The following FAM78A variants were observed in gnomAD, a reference collection of about 807,000 sequenced individuals.
FAM78A encodes the protein family with sequence similarity 78 member A.
FAM78A carries 12 observed loss-of-function variants against 22.6 expected under a neutral mutation model. The ratio of observed to expected loss-of-function variants is 0.53; its 90% confidence interval spans 0.34 to 0.86. FAM78A has a LOEUF of 0.86. Ranked by LOEUF, FAM78A falls within the 40% of genes least tolerant of loss-of-function variation. The probability of loss-of-function intolerance (pLI) is 0.02; values close to 1 mark genes in which losing one functional copy is unlikely to be tolerated. For missense variants in FAM78A, 322 were observed against 396.1 expected (o/e 0.81, Z 1.59); for synonymous variants, 151 against 155.8 (o/e 0.97, Z 0.23).
chr9:131,270,159 T>A, intron 1 of FAM78A: 1 of 616,806 alleles, frequency 1.6e-6, no homozygotes, highest in Non-Finnish European at 3.0e-6. Flanking sequence ...TGAGCCAAGA[T>A]CATGCCACTG....
At chr9:131,277,490 G>C (rs1835500801), upstream of FAM78A, among the ~76,000 whole-genome samples, 1 of 151,844 alleles carries the variant, frequency 6.6e-6, no homozygotes, top group South Asian at 2.1e-4. This position sits in a 1 kb window ranked among gnomAD's most constrained non-coding sequence, Gnocchi z 8.4. Context: ...GGGCGCGCTC[G>C]CCGCTGCCGG....
chr9:131,273,680 T>A (rs1835446131), intron 1 of FAM78A, among the ~76,000 whole-genome samples: 1 of 152,230 alleles, frequency 6.6e-6, no homozygotes, highest in African/African-American at 2.4e-5. Flanking sequence ...TTCTGTAGTT[T>A]TAGCCACTCA....
chr9:131,264,794 G>C (rs1835323572), intron 1 of FAM78A: 1 of 564,400 alleles, frequency 1.8e-6, no homozygotes, highest in Non-Finnish European at 3.1e-6. Context: ...CGGGATCTCT[G>C]CTCACTGCAG....
chr9:131,260,884 C>T lies in FAM78A; in HGVS notation c.790G>A (p.Val264Ile). The stretch of plus-strand genomic sequence containing the variant: ...CCGTACTTGGGCCGCCACATGAGGA[C>T]CTGGGCATCGTTGGCATTGGGCTTG... ...LVKPNANDAQ[V>I]LMWRPKYGQP... Residue 264 changes from valine to isoleucine, a missense_variant, in exon 2 of 2, where the codon GTC becomes ATC. Physicochemically the swap from Val to Ile is conservative, Grantham distance 29 (BLOSUM62 3). Transcript: ENST00000372271. This position sits in a 1 kb window ranked among gnomAD's most constrained non-coding sequence, Gnocchi z 5.4. 6.5e-7 allele frequency: 1 copy of T among 1,547,750 alleles called. No homozygotes were observed. The highest frequency in any genetic ancestry group is 1.2e-5 in the South Asian group (1 of 80,582).
At position 131,275,589 on chromosome 9, in the gene FAM78A, C is replaced by A. The variant is rs1430427608; in HGVS notation, c.323+268G>T. On this transcript the variant is annotated intron_variant, in intron 1 of 1. Transcript: ENST00000372271. The surrounding 1 kb of genome is among the most constrained non-coding windows in gnomAD (Gnocchi z 4.6). ...TGGGAGTAATGTCTCTCTGCTTTCT[C>A]GGCATCTTGCAGGGAAGGACACAGG... 6.6e-6 allele frequency among the ~76,000 whole-genome samples: 1 copy of A among 152,208 alleles called. No homozygotes were observed. Among genetic ancestry groups the A allele is most frequent in the South Asian group, 2.1e-4 (1 of 4,834 alleles).
chr9:131,263,306 T>C (rs980199094), intron 1 of FAM78A, among the ~76,000 whole-genome samples: 6 of 151,632 alleles, frequency 4.0e-5, no homozygotes, highest in South Asian at 2.1e-4. Context: ...GCAAAACAAT[T>C]TGAACAGACC....
At chr9:131,270,301 C>A (rs1835400918) in intron 1 of FAM78A, 1 of 717,514 alleles carries the variant, frequency 1.4e-6, no homozygotes, top group Non-Finnish European at 2.6e-6. Flanking sequence ...CCTGCCTCAA[C>A]TGTCCTCCCA....
At chr9:131,263,068 T>G (rs1835294376) in intron 1 of FAM78A, among the ~76,000 whole-genome samples, 1 of 151,782 alleles carries the variant, frequency 6.6e-6, no homozygotes, top group Non-Finnish European at 1.5e-5. Flanking sequence ...GGTGAAACCC[T>G]GTTCTACTAA....
intron 1 of FAM78A, chr9:131,264,451 GTC>G: frequency 1.6e-6 from 1 of 635,340 alleles, no homozygotes; most frequent in Non-Finnish European, 2.9e-6. Flanking sequence ...AGGGTCCACT[GTC>G]AGCCCCAGCT....
chr9:131,276,073 T>C lies in FAM78A; in HGVS notation c.107A>G (p.Glu36Gly). The change falls in exon 1 of 2, where the codon GAA becomes GGA. Residue 36 changes from glutamate (E) to glycine (G), a missense_variant. Transcript: ENST00000372271. The surrounding 1 kb of genome is among the most constrained non-coding windows in gnomAD (Gnocchi z 4.3). ...SIGGKARVFR[E>G]GITVIDVKAS... is the part of the protein sequence containing the mutation. ...TTTCACATCAATCACCGTGATCCCT[T>C]CCCGGAAGACTCTGGCTTTGCCTCC... 6.2e-7 allele frequency: 1 copy of C among 1,613,782 alleles called. No individual in the cohort carries two copies. Among genetic ancestry groups the C allele is most frequent in the Non-Finnish European group, 8.5e-7 (1 of 1,180,008 alleles).
At chr9:131,264,309 A>C in intron 1 of FAM78A, 1 of 436,248 alleles carries the variant, frequency 2.3e-6, no homozygotes, top group Non-Finnish European at 4.1e-6. Context: ...GGCTCAGGCA[A>C]AGACAGGTGA....
At position 131,258,210 on chromosome 9, in the gene FAM78A, A is replaced by T. The variant is rs1451497256; in HGVS notation, c.*2612T>A. On this transcript the variant is annotated 3_prime_UTR_variant, in exon 2 of 2. Transcript: ENST00000372271. ...TAAGTGCATTGGTTTGTTTCACAGT[A>T]CTCTCCACGACCAAGGACGGTTCTT... The T allele has an allele frequency of 6.6e-6, 1 of 151,802 alleles. No individual in the cohort carries two copies. Among genetic ancestry groups the T allele is most frequent in the Admixed American group, 6.6e-5 (1 of 15,220 alleles). 9.4% of individuals were successfully genotyped at this position (151,802 alleles called of 1,614,324 possible). A position where few individuals can be genotyped will look rare whatever the true frequency, so the allele number is the denominator to read the frequency against.
chr9:131,269,850 G>A (rs1835394845), intron 1 of FAM78A, among the ~76,000 whole-genome samples: 1 of 151,586 alleles, frequency 6.6e-6, no homozygotes, highest in Non-Finnish European at 1.5e-5. Flanking sequence ...TTATTTTTTT[G>A]CCTCCAATAT....
At chr9:131,270,521 G>A (rs1367914053) in intron 1 of FAM78A, 3 of 715,400 alleles carry the variant, frequency 4.2e-6, no homozygotes, top group Admixed American at 4.0e-5. Context: ...CAATCCCTTG[G>A]CCAGGGCTGG....
At chr9:131,277,296 C>T (rs1210920003), upstream of FAM78A, among the ~76,000 whole-genome samples, 1 of 151,882 alleles carries the variant, frequency 6.6e-6, no homozygotes, top group African/African-American at 2.4e-5. This position sits in a 1 kb window ranked among gnomAD's most constrained non-coding sequence, Gnocchi z 8.4. Flanking sequence ...GGTGCCCCTT[C>T]CCCACCCCGG....
chr9:131,266,752 A>T (rs1835351558), intron 1 of FAM78A, among the ~76,000 whole-genome samples: 1 of 152,244 alleles, frequency 6.6e-6, no homozygotes, highest in Admixed American at 6.5e-5. Context: ...CCGTGAGGGC[A>T]GGGCCAGGCC....
upstream of FAM78A, among the ~76,000 whole-genome samples, chr9:131,278,477 C>T (rs1381595064): frequency 1.3e-5 from 2 of 152,134 alleles, no homozygotes; most frequent in Non-Finnish European, 2.9e-5. Flanking sequence ...GGTGGGTCCC[C>T]TCGAGCAGGT....
At chr9:131,270,863 C>G (rs949125853) in intron 1 of FAM78A, among the ~76,000 whole-genome samples, 1 of 152,146 alleles carries the variant, frequency 6.6e-6, no homozygotes, top group Non-Finnish European at 1.5e-5. Context: ...TAAAATGAGG[C>G]CTTCCTGAGC....
At chr9:131,280,144 G>C (rs1426176029), upstream of FAM78A, among the ~76,000 whole-genome samples, 1 of 152,254 alleles carries the variant, frequency 6.6e-6, no homozygotes, top group African/African-American at 2.4e-5. Flanking sequence ...CCATGGGCCT[G>C]TTTGCCGGCT....
Sources: allele counts gnomAD v4.1 joint callset (sites outside exome capture counted in the v4.1 genomes callset), GRCh38; gene constraint gnomAD v4.1.1; non-coding constraint Gnocchi (gnomAD v3.1); transcripts MANE v1.5; gene names NCBI Gene and HGNC (gene_info 2026-07-23, HGNC 2026-07-21).